Variants in KCNT1 observed in about 807,000 individuals in gnomAD.
KCNT1 encodes the protein potassium channel subfamily T member 1.
KCNT1 carries 78 observed loss-of-function variants against 147.8 expected under a neutral mutation model. That is an observed-to-expected ratio of 0.53 (90% CI 0.44 to 0.64). The LOEUF (loss-of-function observed/expected upper bound fraction) is 0.64. Among genes scored for constraint, KCNT1 ranks in the 30% least tolerant of loss-of-function variants. The pLI is 0.00. For synonymous variants in KCNT1, 867 were observed against 748.8 expected, an observed-to-expected ratio of 1.16 and a Z score of -2.58; for missense variants, 1,419 against 1,750.3, an observed-to-expected ratio of 0.81 and a Z score of 3.38.
At chr9:135,783,553 T>C (rs1021693888) in intron 24 of KCNT1, among the ~76,000 whole-genome samples, 4 of 152,188 alleles carry the variant, frequency 2.6e-5, no homozygotes, top group Admixed American at 1.3e-4. Context: ...AGTGGGTCCA[T>C]TGCAAGCCTG....
chr9:135,732,015 GA>G (rs1564328214), intron 2 of KCNT1, among the ~76,000 whole-genome samples: 2 of 120,258 alleles, frequency 1.7e-5, no homozygotes, highest in Non-Finnish European at 3.5e-5. Flanking sequence ...GAGAGAGAGA[GA>G]GAGAGAGAGA....
At chr9:135,721,017 G>A (rs1322255792) in intron 2 of KCNT1, among the ~76,000 whole-genome samples, 1 of 152,254 alleles carries the variant, frequency 6.6e-6, no homozygotes, top group Non-Finnish European at 1.5e-5. Flanking sequence ...GAGCCCAAGG[G>A]GCAGTGGTGG....
In KCNT1 at chr9:135,750,098, G is replaced by A; in HGVS notation, c.255G>A (p.Arg85=). The A allele has an allele frequency of 6.2e-7, 1 of 1,613,536 alleles. No individual in the cohort carries two copies. Among genetic ancestry groups the A allele is most frequent in the Non-Finnish European group, 8.5e-7 (1 of 1,179,732 alleles). The change falls in exon 3 of 31, where the codon AGG becomes AGA. Residue 85 remains arginine (R), a splice_region_variant and synonymous_variant. Transcript: ENST00000371757. ...TCCATGCCCCTCTCTGCTTCTTCAG[G>A]GTCCAGGTGGAGTTCTACGTCAACG... ...LGDPSFQNDD[R]VQVEFYVNEN... is the part of the protein sequence containing the mutation.
At position 135,792,252 on chromosome 9, in the gene KCNT1, C is replaced by G; in HGVS notation, c.*91C>G. On this transcript the variant is annotated 3_prime_UTR_variant, in exon 31 of 31. Transcript: ENST00000371757. The stretch of plus-strand genomic sequence containing the variant: ...TGAGGACACGGTGGCACTAGCGTGA[C>G]CCTGGGGATGGCACACTCTACTCAC... 1 of 1,447,862 alleles carries G rather than the reference C, an allele frequency of 6.9e-7. No homozygotes were observed. Among genetic ancestry groups the G allele is most frequent in the East Asian group, 2.4e-5 (1 of 40,884 alleles). The allele number at this position is 1,447,862 out of a possible 1,614,324, so 89.7% of individuals were successfully genotyped here. A position where few individuals can be genotyped will look rare whatever the true frequency, so the allele number is the denominator to read the frequency against.
chr9:135,756,843 C>G (rs1474475990), intron 6 of KCNT1, 30 bp from the exon 7 acceptor site: 2 of 1,608,516 alleles, frequency 1.2e-6, no homozygotes, highest in Non-Finnish European at 1.7e-6. Context: ...CCGGCCTGCT[C>G]CAGAGCTCCT....
At position 135,784,629 on chromosome 9, in the gene KCNT1, C is replaced by G; in HGVS notation, c.3027+11C>G. 6.2e-7 allele frequency: 1 copy of G among 1,611,762 alleles called. No homozygotes were observed. The highest frequency in any genetic ancestry group is 8.5e-7 in the Non-Finnish European group (1 of 1,179,508). ...GGGTACCTCTGTGCCGTAAGTGCCCCTGGCTGCGCTGGGCTGGGGGCGTGC... is the reference window on the plus strand; with the variant it reads ...GGGTACCTCTGTGCCGTAAGTGCCCGTGGCTGCGCTGGGCTGGGGGCGTGC... On this transcript the variant is annotated intron_variant, in intron 26 of 30. Transcript: ENST00000371757.
chr9:135,749,951 G>A (rs1210573551), intron 2 of KCNT1, 147 bp from the exon 3 acceptor site: 1 of 662,096 alleles, frequency 1.5e-6, no homozygotes, highest in Non-Finnish European at 2.7e-6. Context: ...TGGGTCTGAG[G>A]TGGAGGGAGT....
intron 20 of KCNT1, among the ~76,000 whole-genome samples, chr9:135,776,727 T>A (rs547496055): frequency 3.3e-5 from 5 of 152,370 alleles, no homozygotes; most frequent in East Asian, 3.9e-4. Flanking sequence ...TGCAGTAGCA[T>A]CATCCTTGAC....
chr9:135,755,870 G>T (rs1427159790), intron 6 of KCNT1, among the ~76,000 whole-genome samples: 4 of 151,356 alleles, frequency 2.6e-5, no homozygotes, highest in Non-Finnish European at 4.4e-5. Flanking sequence ...AGTGAGCACT[G>T]AGGACAGTCC....
chr9:135,702,501 G>A, intron 1 of KCNT1, 133 bp downstream of exon 1: 1 of 742,842 alleles, frequency 1.3e-6, no homozygotes, highest in Non-Finnish European at 2.3e-6. Flanking sequence ...GGACCCGCGA[G>A]TGCCCTCCCA....
intron 2 of KCNT1, among the ~76,000 whole-genome samples, chr9:135,739,646 C>G (rs1830481732): frequency 6.6e-6 from 1 of 152,134 alleles, no homozygotes; most frequent in Non-Finnish European, 1.5e-5. Context: ...GGAGCTTGCC[C>G]CAGATGGCCT....
intron 2 of KCNT1, among the ~76,000 whole-genome samples, chr9:135,724,317 C>T (rs1022381309): frequency 6.6e-6 from 1 of 152,234 alleles, no homozygotes; most frequent in Admixed American, 6.5e-5. Flanking sequence ...GTAGAGACAG[C>T]GGGCCCCGCG....
At chr9:135,732,282 G>A (rs1449837823) in intron 2 of KCNT1, among the ~76,000 whole-genome samples, 1 of 152,002 alleles carries the variant, frequency 6.6e-6, no homozygotes, top group South Asian at 2.1e-4. Context: ...GCCTCCCAAA[G>A]TGCTGGGATT....
chr9:135,753,166 TG>T (rs1408533208), intron 4 of KCNT1, among the ~76,000 whole-genome samples: 7 of 151,912 alleles, frequency 4.6e-5, no homozygotes, highest in Non-Finnish European at 1.0e-4. Flanking sequence ...GAAAGATGGA[TG>T]GGTGGATGGA....
intron 20 of KCNT1, among the ~76,000 whole-genome samples, chr9:135,776,344 A>G (rs534254280): frequency 4.6e-5 from 7 of 151,176 alleles, no homozygotes; most frequent in Non-Finnish European, 1.0e-4. Flanking sequence ...TACAGCCTCC[A>G]CCTCCCAGGC....
intron 2 of KCNT1, among the ~76,000 whole-genome samples, chr9:135,719,191 C>T (rs1835829043): frequency 1.3e-5 from 2 of 152,212 alleles, no homozygotes; most frequent in East Asian, 3.9e-4. Flanking sequence ...CAAGAGTGTC[C>T]CGGAAGCCTA....
chr9:135,775,446 C>G (rs1040568661), intron 20 of KCNT1, 31 bp downstream of exon 20: 1 of 1,534,586 alleles, frequency 6.5e-7, no homozygotes, highest in South Asian at 1.2e-5. Context: ...GCGCTCTGCA[C>G]CCCCAGACGC....
chr9:135,768,428 C>T, intron 13 of KCNT1, 182 bp from the exon 14 acceptor site: 1 of 573,828 alleles, frequency 1.7e-6, no homozygotes, highest in South Asian at 2.3e-5. Flanking sequence ...CTCCTCCCGC[C>T]TTCCATCCTC....
chr9:135,733,060 C>T (rs1830170660), intron 2 of KCNT1, among the ~76,000 whole-genome samples: 1 of 151,970 alleles, frequency 6.6e-6, no homozygotes, highest in South Asian at 2.1e-4. Flanking sequence ...TCTGTGACTC[C>T]CCTGGACACC....
Sources: gnomAD v4.1 joint callset for allele counts (sites outside exome capture counted in the v4.1 genomes callset) on GRCh38, gnomAD v4.1.1 for gene constraint, MANE v1.5 for transcripts, NCBI Gene and HGNC (gene_info 2026-07-23, HGNC 2026-07-21) for gene names.